The following DNAH7 variants were observed in gnomAD, a reference collection of about 807,000 sequenced individuals.
DNAH7 encodes the protein dynein axonemal heavy chain 7, also known as axonemal beta dynein heavy chain 7.
DNAH7 carries 397 observed loss-of-function variants against 444.6 expected under a neutral mutation model. The ratio of observed to expected loss-of-function variants is 0.89; its 90% CI spans 0.82 to 0.97. The LOEUF (loss-of-function observed/expected upper bound fraction) is 0.97, where lower values mean the gene tolerates loss of function less well. DNAH7 is among the 50% of genes least tolerant of loss of function. The pLI is 0.00. For missense variants in DNAH7, 4,902 were observed against 4,800.8 expected (o/e 1.02, Z -0.62); for synonymous variants, 1,636 against 1,624.4 (o/e 1.01, Z -0.17).
At chr2:195,808,954 G>T in intron 52 of DNAH7, 78 bp from the exon 53 acceptor site, 1 of 1,252,254 alleles carries the variant, frequency 8.0e-7, no homozygotes, top group South Asian at 1.5e-5. Context: ...TTATAAAAGA[G>T]TTGAGTGTTG....
intron 63 of DNAH7, among the ~76,000 whole-genome samples, chr2:195,752,270 CA>C (rs67890551): frequency 0.76 from 101,350 of 132,592 alleles, 39,595 homozygotes; most frequent in East Asian, 0.9. Context: ...GACCCTATCT[CA>C]AAAAAAAAAA....
intron 52 of DNAH7, among the ~76,000 whole-genome samples, chr2:195,809,338 A>G (rs1271990904): frequency 6.6e-6 from 1 of 152,234 alleles, no homozygotes; most frequent in Non-Finnish European, 1.5e-5. Flanking sequence ...CAACCAATAC[A>G]TCACCATATA....
chr2:195,933,493 C>T (rs544689608), intron 21 of DNAH7, among the ~76,000 whole-genome samples: 6 of 152,160 alleles, frequency 3.9e-5, no homozygotes, highest in African/African-American at 1.4e-4. Flanking sequence ...AGACTTGGAG[C>T]CAACCCAAAT....
At chr2:195,992,911 G>A (rs1420427617) in intron 12 of DNAH7, among the ~76,000 whole-genome samples, 1 of 152,176 alleles carries the variant, frequency 6.6e-6, no homozygotes, top group Non-Finnish European at 1.5e-5. Flanking sequence ...CTTCATAGAG[G>A]AAGGGGAACA....
At chr2:195,784,642 A>G (rs1320720852) in intron 58 of DNAH7, among the ~76,000 whole-genome samples, 1 of 152,170 alleles carries the variant, frequency 6.6e-6, no homozygotes, top group Non-Finnish European at 1.5e-5. Context: ...TCATATGGTA[A>G]AAGGATGTTT....
intron 5 of DNAH7, among the ~76,000 whole-genome samples, chr2:196,031,524 G>A (rs1305058008): frequency 2.6e-5 from 4 of 152,138 alleles, no homozygotes; most frequent in African/African-American, 4.8e-5. Flanking sequence ...TCGTCAGGCT[G>A]CAAATTTTTA....
chr2:195,882,471 G>GA lies in DNAH7; in HGVS notation c.5764-480dup, dbSNP rs1166453532. ...AAAATTTCTTTTTAAAAAATGTATA[G>GA]AAAAAAATATATAAAATTTACCCTT... is the stretch of plus-strand genomic sequence containing the variant. On this transcript the variant is annotated intron_variant, in intron 35 of 64. Coordinates refer to ENST00000312428, the MANE Select transcript of DNAH7 (RefSeq NM_018897.3). Among the ~76,000 whole-genome samples the GA allele has an allele frequency of 3.9e-5, 6 of 151,948 alleles. No individual in the cohort carries two copies. The South Asian group carries it at 1.0e-3, about 26-fold the overall frequency.
At chr2:196,062,734 T>C (rs1279607295) in intron 1 of DNAH7, among the ~76,000 whole-genome samples, 2 of 152,238 alleles carry the variant, frequency 1.3e-5, no homozygotes. Flanking sequence ...AGTGCTTTTC[T>C]GATAATCCTC....
At chr2:195,899,729 A>T (rs866578272) in intron 28 of DNAH7, among the ~76,000 whole-genome samples, 12 of 152,202 alleles carry the variant, frequency 7.9e-5, no homozygotes, top group African/African-American at 2.9e-4. Context: ...CTGATTTCAT[A>T]AAGAACTAAC....
At chr2:195,906,544 T>A in intron 27 of DNAH7, 115 bp downstream of exon 27, 56 of 782,298 alleles carry the variant, frequency 7.2e-5, no homozygotes, top group Non-Finnish European at 7.3e-5. Context: ...TCCCACCACC[T>A]CAGCCTCCTA....
chr2:195,805,166 A>G (rs1696650099), intron 54 of DNAH7, among the ~76,000 whole-genome samples: 2 of 152,200 alleles, frequency 1.3e-5, no homozygotes, highest in South Asian at 4.1e-4. Flanking sequence ...AAAACATTGA[A>G]CTGGGGGAAA....
At chr2:195,851,660 G>A (rs1413914183) in intron 46 of DNAH7, among the ~76,000 whole-genome samples, 1 of 152,062 alleles carries the variant, frequency 6.6e-6, no homozygotes, top group Non-Finnish European at 1.5e-5. Context: ...TGTCAGAGAG[G>A]GCCTGGTTGG....
At chr2:195,848,534 G>C (rs1419709029) in intron 46 of DNAH7, among the ~76,000 whole-genome samples, 2 of 152,228 alleles carry the variant, frequency 1.3e-5, no homozygotes, top group African/African-American at 4.8e-5. Flanking sequence ...TGTGATTATA[G>C]ATTCTTCAGA....
At position 195,818,088 on chromosome 2, in the gene DNAH7, C is replaced by T. The variant is rs150324180; in HGVS notation, c.9292-259G>A. ...GTGATCAACTTATTCTCATTTCAAA[C>T]TAGTCCAATTTCTGAGAACTCTTTA... On this transcript the variant is annotated intron_variant, in intron 49 of 64. Transcript: ENST00000312428. Among the ~76,000 whole-genome samples, 108 of 152,288 alleles carry T rather than the reference C, an allele frequency of 7.1e-4. No individual in the cohort carries two copies. The Middle Eastern group carries it at 0.02, about 29-fold the overall frequency.
chr2:195,848,290 C>T (rs894091251), intron 46 of DNAH7, among the ~76,000 whole-genome samples: 2 of 152,170 alleles, frequency 1.3e-5, no homozygotes, highest in Non-Finnish European at 2.9e-5. Context: ...TATGCAGAAG[C>T]CCCACAACTG....
At chr2:196,005,191 A>G (rs1020252094) in intron 10 of DNAH7, among the ~76,000 whole-genome samples, 3 of 151,618 alleles carry the variant, frequency 2.0e-5, no homozygotes, top group African/African-American at 7.3e-5. Context: ...GGAAAATGGC[A>G]TGAACCCGGG....
At chr2:195,959,421 A>G (rs1163049504) in intron 18 of DNAH7, among the ~76,000 whole-genome samples, 1 of 152,134 alleles carries the variant, frequency 6.6e-6, no homozygotes, top group African/African-American at 2.4e-5. Flanking sequence ...TGGAATCTAG[A>G]TGTACCACTT....
chr2:195,945,373 G>A (rs961295080), intron 19 of DNAH7, among the ~76,000 whole-genome samples: 2 of 152,126 alleles, frequency 1.3e-5, no homozygotes, highest in Non-Finnish European at 2.9e-5. Flanking sequence ...AGAGTTCACT[G>A]GGTGGGATCA....
intron 10 of DNAH7, among the ~76,000 whole-genome samples, chr2:196,005,216 G>A (rs1396600843): frequency 6.6e-6 from 1 of 151,768 alleles, no homozygotes; most frequent in African/African-American, 2.4e-5. Context: ...AGAGCTTGCG[G>A]TGAGCCAAGA....
Sources: allele counts gnomAD v4.1 joint callset (sites outside exome capture counted in the v4.1 genomes callset), GRCh38; gene constraint gnomAD v4.1.1; transcripts MANE v1.5; gene names NCBI Gene and HGNC (gene_info 2026-07-23, HGNC 2026-07-21).